Variants in ASF1A observed in about 807,000 individuals in gnomAD.
ASF1A encodes the protein anti-silencing function 1A histone chaperone, also known as histone chaperone ASF1A.
Under a neutral mutation model 22.0 loss-of-function variants are expected in ASF1A, and 5 were observed. The observed-to-expected ratio is 0.23, with a 90% confidence interval of 0.12 to 0.48. The LOEUF is 0.48. ASF1A is among the 20% of genes least tolerant of loss of function. The pLI, the probability that ASF1A is intolerant of heterozygous loss-of-function variation, is 0.99. For missense variants in ASF1A, 137 were observed against 240.6 expected (o/e 0.57, Z 2.85); for synonymous variants, 97 against 86.7 (o/e 1.12, Z -0.66).
chr6:118,895,987 G>C (rs972769772), intron 1 of ASF1A, among the ~76,000 whole-genome samples: 3 of 150,936 alleles, frequency 2.0e-5, no homozygotes, highest in Non-Finnish European at 4.4e-5. Context: ...TGTACTCAGT[G>C]CCTTGCCCTA....
intron 2 of ASF1A, among the ~76,000 whole-genome samples, chr6:118,902,382 A>G (rs1779858688): frequency 6.6e-6 from 1 of 152,228 alleles, no homozygotes; most frequent in South Asian, 2.1e-4. Flanking sequence ...TCCTAAAATT[A>G]GAACTACATT....
chr6:118,905,822 T>C lies in ASF1A; in HGVS notation c.396T>C (p.Phe132=). ...AAAATCCACCAGTAAAACCAGACTT[T>C]TCTAAGGTAATGTTCTTACTATTCC... ...LRENPPVKPD[F]SKLQRNILAS... The change falls in exon 3 of 4, where the codon TTT becomes TTC. Residue 132 remains phenylalanine (F), a synonymous_variant. Transcript: ENST00000229595. 1 of 1,598,310 alleles carries C rather than the reference T, an allele frequency of 6.3e-7. No individual in the cohort carries two copies. Among genetic ancestry groups the C allele is most frequent in the Non-Finnish European group, 8.5e-7 (1 of 1,169,990 alleles).
At position 118,898,181 on chromosome 6, in the gene ASF1A, A is replaced by C. The variant is rs538988972; in HGVS notation, c.110-2585A>C. On this transcript the variant is annotated intron_variant, in intron 1 of 3. Coordinates refer to ENST00000229595, the MANE Select transcript of ASF1A (RefSeq NM_014034.3). ...AGATTACTTAACCTCTCAGAGTCTCAAGTTATTTGCATAATGGGGATAATT... is the reference window on the plus strand; with the variant it reads ...AGATTACTTAACCTCTCAGAGTCTCCAGTTATTTGCATAATGGGGATAATT... Among the ~76,000 whole-genome samples, 5 of 152,282 alleles carry C rather than the reference A, an allele frequency of 3.3e-5. No homozygotes were observed. In the East Asian group the frequency reaches 9.6e-4, roughly 29 times the overall value.
intron 3 of ASF1A, among the ~76,000 whole-genome samples, chr6:118,906,159 G>T (rs1780164241): frequency 6.6e-6 from 1 of 152,074 alleles, no homozygotes; most frequent in East Asian, 1.9e-4. Flanking sequence ...TGCAACCTCT[G>T]CCTCCTAGGT....
chr6:118,903,405 T>C (rs996065225), intron 2 of ASF1A, among the ~76,000 whole-genome samples: 1 of 152,030 alleles, frequency 6.6e-6, no homozygotes, highest in African/African-American at 2.4e-5. Context: ...GATTTACAAA[T>C]GAATTCCAAA....
At chr6:118,897,537 T>C (rs1198786080) in intron 1 of ASF1A, among the ~76,000 whole-genome samples, 2 of 152,140 alleles carry the variant, frequency 1.3e-5, no homozygotes, top group Non-Finnish European at 2.9e-5. Context: ...CAACTTCAGC[T>C]TGTTCTAATT....
Position 118,907,800 on chromosome 6 carries a change from A to AT in ASF1A, c.*193dup. On this transcript the variant is annotated 3_prime_UTR_variant, in exon 4 of 4. Transcript: ENST00000229595. ...ATATAAATACAACTATTTTTAAGTA[A>AT]TTTTTTTCTCTAATGTGTTATTTTA... The AT allele has an allele frequency of 1.9e-6, 1 of 524,196 alleles. No individual in the cohort carries two copies. The highest frequency in any genetic ancestry group is 3.4e-6 in the Non-Finnish European group (1 of 297,934). 32.5% of individuals were successfully genotyped at this position (524,196 alleles called of 1,614,324 possible).
chr6:118,894,791 G>C (rs548311936), intron 1 of ASF1A, among the ~76,000 whole-genome samples: 25 of 152,334 alleles, frequency 1.6e-4, no homozygotes, highest in Admixed American at 7.8e-4. Flanking sequence ...GTCTGCGGGC[G>C]GGCAGCTCGG....
intron 1 of ASF1A, 38 bp from the exon 2 acceptor site, chr6:118,900,728 A>T: frequency 7.3e-7 from 1 of 1,363,422 alleles, no homozygotes; most frequent in Non-Finnish European, 1.1e-6. Flanking sequence ...TAATGTAATT[A>T]CTGAATATGA....
chr6:118,900,779 A>G lies in ASF1A; in HGVS notation c.123A>G (p.Lys41=), dbSNP rs373487459. 1 of 1,612,894 alleles carries G rather than the reference A, an allele frequency of 6.2e-7. No individual in the cohort carries two copies. The highest frequency in any genetic ancestry group is 8.5e-7 in the Non-Finnish European group (1 of 1,178,898). ...TTTTAACCCTAGACTTGGAATGGAA[A>G]ATTATCTATGTGGGCTCTGCAGAAA... ...IEDLSEDLEW[K]IIYVGSAESE... Residue 41 remains lysine (K), a synonymous_variant, in exon 2 of 4, where the codon AAA becomes AAG. Coordinates refer to ENST00000229595, the MANE Select transcript of ASF1A (RefSeq NM_014034.3).
chr6:118,907,349 G>A (rs1562433019), intron 3 of ASF1A, 53 bp from the exon 4 acceptor site: 1 of 1,259,996 alleles, frequency 7.9e-7, no homozygotes, highest in Non-Finnish European at 1.1e-6. Context: ...ATTTGTATAT[G>A]GTGATTTAAC....
chr6:118,905,560 A>C, intron 2 of ASF1A, 92 bp from the exon 3 acceptor site: 1 of 993,070 alleles, frequency 1.0e-6, no homozygotes, highest in Non-Finnish European at 1.4e-6. Context: ...TGCATCCTCA[A>C]CTGATGGTTC....
chr6:118,907,630 T>G lies in ASF1A; in HGVS notation c.*16T>G. The G allele has an allele frequency of 6.3e-7, 1 of 1,585,958 alleles. No homozygotes were observed. Among genetic ancestry groups the G allele is most frequent in the Non-Finnish European group, 8.7e-7 (1 of 1,155,044 alleles). ...CTGCATGTGACCACCTACCATCCCT[T>G]TAGTACAAATTAAGCTATTAAAAAT... On this transcript the variant is annotated 3_prime_UTR_variant, in exon 4 of 4. Coordinates refer to ENST00000229595, the MANE Select transcript of ASF1A (RefSeq NM_014034.3).
chr6:118,895,232 G>GTC (rs1318209462), intron 1 of ASF1A, among the ~76,000 whole-genome samples: 2 of 151,940 alleles, frequency 1.3e-5, no homozygotes, highest in Non-Finnish European at 2.9e-5. Flanking sequence ...CCCGGGGGCC[G>GTC]TGGGTCCTGT....
intron 3 of ASF1A, 86 bp from the exon 4 acceptor site, chr6:118,907,316 A>G: frequency 1.0e-6 from 1 of 954,490 alleles, no homozygotes; most frequent in South Asian, 1.6e-5. Flanking sequence ...GAGTACTAAC[A>G]TGAACCATTT....
At chr6:118,897,696 C>T (rs559772317) in intron 1 of ASF1A, among the ~76,000 whole-genome samples, 1 of 152,132 alleles carries the variant, frequency 6.6e-6, no homozygotes, top group African/African-American at 2.4e-5. Flanking sequence ...ATCATGATTA[C>T]TGTGATTAAA....
chr6:118,907,685 AG>A lies in ASF1A; in HGVS notation c.*72del. On this transcript the variant is annotated 3_prime_UTR_variant, in exon 4 of 4. Transcript: ENST00000229595. ...AGAACTATTTCCCTGAAATTCCGTA[AG>A]TACATAGTCAAAACACAATGTGAAG... The A allele has an allele frequency of 8.2e-7, 1 of 1,225,688 alleles. No homozygotes were observed. Among genetic ancestry groups the A allele is most frequent in the East Asian group, 2.3e-5 (1 of 42,594 alleles). The allele number at this position is 1,225,688 out of a possible 1,614,324, so 75.9% of individuals were successfully genotyped here.
chr6:118,899,877 A>T (rs1779684269), intron 1 of ASF1A, among the ~76,000 whole-genome samples: 1 of 152,186 alleles, frequency 6.6e-6, no homozygotes, highest in Non-Finnish European at 1.5e-5. Context: ...AGTGCAAAAT[A>T]CCCAAAGAAG....
Position 118,900,752 on chromosome 6 carries a change from T to C in ASF1A, c.110-14T>C. 6.4e-7 allele frequency: 1 copy of C among 1,569,546 alleles called. No individual in the cohort carries two copies. The highest frequency in any genetic ancestry group is 8.8e-7 in the Non-Finnish European group (1 of 1,139,498). ...TACTGAATATGAAATAATGCTTTGG[T>C]TTTTTAACCCTAGACTTGGAATGGA... On this transcript the variant is annotated splice_polypyrimidine_tract_variant and intron_variant, in intron 1 of 3. Coordinates refer to ENST00000229595, the MANE Select transcript of ASF1A (RefSeq NM_014034.3).
Sources: gnomAD v4.1 joint callset for allele counts (sites outside exome capture counted in the v4.1 genomes callset) on GRCh38, gnomAD v4.1.1 for gene constraint, MANE v1.5 for transcripts, NCBI Gene and HGNC (gene_info 2026-07-23, HGNC 2026-07-21) for gene names.